The following TMT1B variants were observed in gnomAD, a reference collection of about 807,000 sequenced individuals.
The protein encoded by TMT1B is thiol S-methyltransferase TMT1B.
chr12:55,681,756 T>G, the TMT1B span: 1 of 1,548,496 alleles, frequency 6.5e-7, no homozygotes, highest in Non-Finnish European at 8.7e-7. Context: ...TGGTCTGCCA[T>G]GGACATCCTG....
chr12:55,682,332 G>A, the TMT1B span: 9 of 1,415,988 alleles, frequency 6.4e-6, no homozygotes, highest in East Asian at 2.2e-4. Context: ...CCCAGAATGG[G>A]GCGTCTGAGG....
At chr12:55,682,528 T>C in the TMT1B span, among the ~76,000 whole-genome samples, 8 of 143,492 alleles carry the variant, frequency 5.6e-5, no homozygotes, top group Non-Finnish European at 9.0e-5. Flanking sequence ...GATCTGTGCT[T>C]GGGAGGCTGA....
chr12:55,682,892 G>A, the TMT1B span, among the ~76,000 whole-genome samples: 1 of 152,192 alleles, frequency 6.6e-6, no homozygotes, highest in African/African-American at 2.4e-5. Flanking sequence ...GGTAAAGATA[G>A]TAGGGGAAGT....
the TMT1B span, chr12:55,684,161 A>G: frequency 9.9e-7 from 1 of 1,005,664 alleles, no homozygotes; most frequent in Non-Finnish European, 1.5e-6. Flanking sequence ...GAATGAGAGA[A>G]GACATTCATG....
At chr12:55,684,285 A>G in the TMT1B span, 1 of 508,120 alleles carries the variant, frequency 2.0e-6, no homozygotes, top group African/African-American at 1.9e-5. Context: ...AGGAAACACT[A>G]GGACCCTGTT....
At chr12:55,681,773 C>T in the TMT1B span, 2 of 1,551,250 alleles carry the variant, frequency 1.3e-6, no homozygotes, top group Non-Finnish European at 1.7e-6. Context: ...CCTGGTCCCA[C>T]TCCTGCAGCT....
chr12:55,682,080 A>G, the TMT1B span: 2 of 1,614,200 alleles, frequency 1.2e-6, no homozygotes, highest in Admixed American at 3.3e-5. Context: ...TTCCTGACAA[A>G]GAGCATGGCT....
At chr12:55,682,310 C>T in the TMT1B span, 1 of 1,548,252 alleles carries the variant, frequency 6.5e-7, no homozygotes, top group Non-Finnish European at 8.7e-7. Flanking sequence ...TCAGCCGCCC[C>T]AGGGTTCGGC....
At chr12:55,684,282 A>G in the TMT1B span, 2 of 513,282 alleles carry the variant, frequency 3.9e-6, no homozygotes, top group Non-Finnish European at 7.1e-6. Flanking sequence ...GGGAGGAAAC[A>G]CTAGGACCCT....
the TMT1B span, chr12:55,682,207 G>A: frequency 1.2e-6 from 2 of 1,613,944 alleles, no homozygotes; most frequent in South Asian, 2.2e-5. Flanking sequence ...GCTCTGTGCA[G>A]AGCCCAAGGA....
At chr12:55,682,315 T>G in the TMT1B span, 1 of 1,538,006 alleles carries the variant, frequency 6.5e-7, no homozygotes, top group East Asian at 2.3e-5. Flanking sequence ...CGCCCCAGGG[T>G]TCGGCCCCCA....
the TMT1B span, chr12:55,682,306 G>A: frequency 9.0e-6 from 14 of 1,559,988 alleles, no homozygotes; most frequent in African/African-American, 1.1e-4. Context: ...AGCATCAGCC[G>A]CCCCAGGGTT....
chr12:55,681,993 G>A, the TMT1B span: 1 of 1,614,156 alleles, frequency 6.2e-7, no homozygotes, highest in Non-Finnish European at 8.5e-7. Context: ...CTGGGCTGCG[G>A]AACCGGAGCC....
At chr12:55,682,042 C>T in the TMT1B span, 2 of 1,614,128 alleles carry the variant, frequency 1.2e-6, no homozygotes, top group African/African-American at 2.7e-5. Flanking sequence ...GGGTCACCTG[C>T]CTAGACCCAA....
At chr12:55,683,142 A>G in the TMT1B span, among the ~76,000 whole-genome samples, 1 of 152,222 alleles carries the variant, frequency 6.6e-6, no homozygotes, top group African/African-American at 2.4e-5. Flanking sequence ...AGCGATGTCC[A>G]GGAAGCAGCT....
chr12:55,684,094 C>T, the TMT1B span: 68 of 1,572,992 alleles, frequency 4.3e-5, no homozygotes, highest in Non-Finnish European at 5.7e-5. Flanking sequence ...TCCCCAGCCT[C>T]CAATTAGAAC....
the TMT1B span, chr12:55,683,754 G>A: frequency 5.1e-4 from 775 of 1,527,656 alleles, 7 homozygotes; most frequent in African/African-American, 9.6e-3. Context: ...CTTGATCAGC[G>A]CGATAGGGAG....
the TMT1B span, chr12:55,681,908 G>T: frequency 6.2e-7 from 1 of 1,613,680 alleles, no homozygotes; most frequent in Non-Finnish European, 8.5e-7. Flanking sequence ...CCGCAAGATG[G>T]AGAGCAAGAA....
the TMT1B span, among the ~76,000 whole-genome samples, chr12:55,683,354 G>C: frequency 6.6e-6 from 1 of 152,144 alleles, no homozygotes; most frequent in Non-Finnish European, 1.5e-5. Flanking sequence ...AAGTAGCCGG[G>C]CGTGGTGGCT....
Sources: allele counts gnomAD v4.1 joint callset (sites outside exome capture counted in the v4.1 genomes callset), GRCh38; gene constraint gnomAD v4.1.1; transcripts MANE v1.5; gene names NCBI Gene and HGNC (gene_info 2026-07-23, HGNC 2026-07-21).